SLC44A5: variants seen among roughly 807,000 people sequenced by gnomAD.
SLC44A5 encodes solute carrier family 44 member 5.
A neutral mutation model predicts 101.8 loss-of-function variants in SLC44A5; 57 were observed. The ratio of observed to expected loss-of-function variants is 0.56; its 90% CI spans 0.45 to 0.70. The LOEUF is 0.70. SLC44A5 is among the 30% of genes least tolerant of loss of function. The pLI, the probability that SLC44A5 is intolerant of heterozygous loss-of-function variation, is 0.00. For missense variants in SLC44A5, 737 were observed against 853.1 expected (o/e 0.86, Z 1.70); for synonymous variants, 281 against 290.9 (o/e 0.97, Z 0.35).
intron 1 of SLC44A5, among the ~76,000 whole-genome samples, chr1:75,573,259 G>A (rs190697875): frequency 3.3e-5 from 5 of 151,546 alleles, no homozygotes; most frequent in Admixed American, 2.0e-4. Flanking sequence ...CAGGAGAATC[G>A]CTTGAACCCG....
At chr1:75,345,302 A>T (rs369614017) in intron 3 of SLC44A5, among the ~76,000 whole-genome samples, 1 of 152,288 alleles carries the variant, frequency 6.6e-6, no homozygotes, top group African/African-American at 2.4e-5. Flanking sequence ...ACTGGGTATC[A>T]AATTAACTGG....
At chr1:75,267,316 A>G (rs938515009) in intron 6 of SLC44A5, among the ~76,000 whole-genome samples, 4 of 152,176 alleles carry the variant, frequency 2.6e-5, no homozygotes, top group African/African-American at 9.6e-5. Context: ...CTTTTGAGAA[A>G]ATGTTTATCT....
intron 9 of SLC44A5, 77 bp downstream of exon 9, chr1:75,241,924 A>G: frequency 1.5e-6 from 2 of 1,298,970 alleles, no homozygotes; most frequent in East Asian, 2.3e-5. Flanking sequence ...AGTCTCATCA[A>G]TTGTGAAATA....
chr1:75,570,700 C>A (rs1157048924), intron 1 of SLC44A5, among the ~76,000 whole-genome samples: 5 of 152,168 alleles, frequency 3.3e-5, no homozygotes, highest in African/African-American at 1.2e-4. Context: ...AATTTGCTGA[C>A]CCCTGGTTTA....
rs186827437 is a variant in SLC44A5 at position 75,294,548 on chromosome 1, T to C, written c.175+6064A>G. Among the ~76,000 whole-genome samples, 320 of 152,358 alleles carry C rather than the reference T, an allele frequency of 2.1e-3. 2 individuals carry two copies. Among genetic ancestry groups the C allele is most frequent in the Non-Finnish European group, 3.0e-3 (206 of 68,028 alleles). The stretch of plus-strand genomic sequence containing the variant: ...TGTACTCCCATGTTCATTGCAGCAT[T>C]ATTCACAATAGCCAAGATTTGGAAT... On this transcript the variant is annotated intron_variant, in intron 5 of 23. Transcript: ENST00000370859.
At chr1:75,499,335 G>A (rs1014061769) in intron 2 of SLC44A5, among the ~76,000 whole-genome samples, 3 of 152,148 alleles carry the variant, frequency 2.0e-5, no homozygotes, top group Admixed American at 6.5e-5. Flanking sequence ...TAGATCCCTC[G>A]CACGTGCAGT....
the SLC44A5 span, among the ~76,000 whole-genome samples, chr1:75,657,850 A>G: frequency 6.6e-6 from 1 of 152,172 alleles, no homozygotes; most frequent in East Asian, 1.9e-4. Flanking sequence ...TCCCTCTATT[A>G]TACCACTCTG....
chr1:75,506,224 A>C (rs1282143254), intron 2 of SLC44A5, among the ~76,000 whole-genome samples: 1 of 152,120 alleles, frequency 6.6e-6, no homozygotes, highest in Non-Finnish European at 1.5e-5. Context: ...CTGTTTTTGT[A>C]CCAGTACGAT....
chr1:75,678,031 AC>A, the SLC44A5 span, among the ~76,000 whole-genome samples: 1 of 152,208 alleles, frequency 6.6e-6, no homozygotes, highest in African/African-American at 2.4e-5. Context: ...GGTCACTCCC[AC>A]CCAAATACTG....
At chr1:75,520,929 T>C (rs373928170) in intron 2 of SLC44A5, among the ~76,000 whole-genome samples, 1 of 151,524 alleles carries the variant, frequency 6.6e-6, no homozygotes, top group African/African-American at 2.4e-5. Flanking sequence ...TCAAGTTTGC[T>C]TTGACAGGGA....
chr1:75,493,390 T>C (rs1174993474), intron 2 of SLC44A5, among the ~76,000 whole-genome samples: 4 of 152,224 alleles, frequency 2.6e-5, no homozygotes, highest in Admixed American at 2.6e-4. Flanking sequence ...AGTGAATACA[T>C]GTGTATCATC....
At chr1:75,240,694 C>T (rs80189072) in intron 9 of SLC44A5, among the ~76,000 whole-genome samples, 3,289 of 152,088 alleles carry the variant, frequency 0.022, 94 homozygotes, top group African/African-American at 0.069. Context: ...GTATGTAAGA[C>T]ATGTTTGGTG....
At chr1:75,381,018 T>C (rs1272971985) in intron 3 of SLC44A5, among the ~76,000 whole-genome samples, 1 of 82,174 alleles carries the variant, frequency 1.2e-5, no homozygotes, top group Non-Finnish European at 2.1e-5. Flanking sequence ...GATTCACTTA[T>C]CACATGGTAA....
chr1:75,655,862 G>T, the SLC44A5 span, among the ~76,000 whole-genome samples: 79 of 152,144 alleles, frequency 5.2e-4, no homozygotes, highest in Middle Eastern at 0.01. Context: ...TAGTAACAGA[G>T]AACTTTCAAC....
intron 2 of SLC44A5, among the ~76,000 whole-genome samples, chr1:75,443,065 G>C (rs1166610043): frequency 6.6e-6 from 1 of 152,112 alleles, no homozygotes; most frequent in Non-Finnish European, 1.5e-5. Context: ...AGCTGTGAAA[G>C]CAATACTTTG....
intron 3 of SLC44A5, among the ~76,000 whole-genome samples, chr1:75,359,075 T>G (rs1393467790): frequency 6.6e-6 from 1 of 152,044 alleles, no homozygotes. Context: ...CCCATGTAAG[T>G]GAGATCTTGC....
the SLC44A5 span, among the ~76,000 whole-genome samples, chr1:75,674,877 C>G: frequency 6.1e-4 from 93 of 152,272 alleles, no homozygotes; most frequent in African/African-American, 2.1e-3. Flanking sequence ...AATCCATTCT[C>G]CATTGCTTGT....
chr1:75,478,192 A>C (rs1426398565), intron 2 of SLC44A5, among the ~76,000 whole-genome samples: 1 of 152,158 alleles, frequency 6.6e-6, no homozygotes, highest in Non-Finnish European at 1.5e-5. Flanking sequence ...CTTTACAGAC[A>C]AGCAAATGCT....
At chr1:75,667,395 G>A in the SLC44A5 span, among the ~76,000 whole-genome samples, 3 of 152,078 alleles carry the variant, frequency 2.0e-5, 1 homozygote, top group South Asian at 6.2e-4. Context: ...TCTTCAAGGA[G>A]AACTACAAAC....
Sources: gnomAD v4.1 joint callset for allele counts (sites outside exome capture counted in the v4.1 genomes callset) on GRCh38, gnomAD v4.1.1 for gene constraint, MANE v1.5 for transcripts, NCBI Gene and HGNC (gene_info 2026-07-23, HGNC 2026-07-21) for gene names.